Variants in PRTFDC1 observed in about 807,000 individuals in gnomAD.
PRTFDC1 encodes phosphoribosyl transferase domain containing 1.
Under a neutral mutation model 34.6 loss-of-function variants are expected in PRTFDC1, and 38 were observed. That is an observed-to-expected ratio of 1.10 (90% CI 0.85 to 1.44). PRTFDC1 has a LOEUF of 1.44. PRTFDC1 is among the 40% of genes most tolerant of loss of function. PRTFDC1 has a pLI of 0.00. For synonymous variants in PRTFDC1, 93 were observed against 98.1 expected (o/e 0.95, Z 0.31); for missense variants, 270 against 283.0 (o/e 0.95, Z 0.33).
intron 7 of PRTFDC1, among the ~76,000 whole-genome samples, chr10:24,852,747 T>C (rs1323433379): frequency 6.6e-6 from 1 of 152,232 alleles, no homozygotes; most frequent in African/African-American, 2.4e-5. Context: ...GTATTATAGA[T>C]GAGAGATTTA....
intron 3 of PRTFDC1, among the ~76,000 whole-genome samples, chr10:24,917,103 T>C (rs985096565): frequency 4.6e-5 from 7 of 152,212 alleles, no homozygotes; most frequent in Admixed American, 4.6e-4. Context: ...GAGATTGCCA[T>C]AGTTCCAGGA....
intron 3 of PRTFDC1, among the ~76,000 whole-genome samples, chr10:24,907,254 GAGGACTAAC>G (rs1179857701): frequency 2.6e-5 from 4 of 152,084 alleles, no homozygotes; most frequent in African/African-American, 9.7e-5. Context: ...CTCAGGAAAT[GAGGACTAAC>G]AGTGACTTGT....
chr10:24,949,855 C>T (rs1205625423), intron 1 of PRTFDC1, among the ~76,000 whole-genome samples: 1 of 151,922 alleles, frequency 6.6e-6, no homozygotes, highest in Non-Finnish European at 1.5e-5. Context: ...CTGCTTCTGC[C>T]TCCCAAGTAG....
At chr10:24,949,715 G>GTTTTTTTA (rs1275659148) in intron 1 of PRTFDC1, among the ~76,000 whole-genome samples, 1 of 144,060 alleles carries the variant, frequency 6.9e-6, no homozygotes, top group African/African-American at 2.6e-5. Flanking sequence ...CATTTTTTTT[G>GTTTTTTTA]TTTATTTATT....
At chr10:24,924,321 C>T (rs1319770996) in intron 3 of PRTFDC1, among the ~76,000 whole-genome samples, 10 of 152,078 alleles carry the variant, frequency 6.6e-5, no homozygotes, top group African/African-American at 1.2e-4. Context: ...AGATACTCCT[C>T]GAGAAGAGCA....
intron 3 of PRTFDC1, among the ~76,000 whole-genome samples, chr10:24,879,346 A>T (rs942025547): frequency 4.2e-5 from 6 of 143,444 alleles, no homozygotes; most frequent in Non-Finnish European, 9.2e-5. Context: ...GTATTTGCTG[A>T]TTTTTTTTTT....
At chr10:24,949,232 G>A (rs943611583) in intron 1 of PRTFDC1, among the ~76,000 whole-genome samples, 11 of 152,090 alleles carry the variant, frequency 7.2e-5, no homozygotes, top group African/African-American at 2.7e-4. Flanking sequence ...TGGGACTACA[G>A]GCATGCACCA....
chr10:24,869,163 G>A (rs890801111), intron 4 of PRTFDC1, among the ~76,000 whole-genome samples: 13 of 151,822 alleles, frequency 8.6e-5, no homozygotes, highest in African/African-American at 2.9e-4. Flanking sequence ...AACCTTTCAC[G>A]GAGAGGCTGA....
intron 3 of PRTFDC1, among the ~76,000 whole-genome samples, chr10:24,875,844 T>C (rs1273506981): frequency 7.8e-6 from 1 of 128,102 alleles, no homozygotes; most frequent in Non-Finnish European, 1.6e-5. Context: ...ATAATTCTCA[T>C]AGTTTTTTTT....
At chr10:24,943,189 A>G (rs905003780) in intron 1 of PRTFDC1, among the ~76,000 whole-genome samples, 1 of 124,818 alleles carries the variant, frequency 8.0e-6, no homozygotes, top group Non-Finnish European at 1.9e-5. Context: ...CTGCCTGGAA[A>G]AGATTTCTTA....
intron 3 of PRTFDC1, among the ~76,000 whole-genome samples, chr10:24,913,320 G>T (rs145390107): frequency 6.6e-6 from 1 of 152,150 alleles, no homozygotes; most frequent in Non-Finnish European, 1.5e-5. Context: ...CAGTCTTGAG[G>T]TTCTTACTGT....
intron 3 of PRTFDC1, chr10:24,908,591 G>A (rs189497514): frequency 4.0e-5 from 65 of 1,612,824 alleles, no homozygotes; most frequent in Middle Eastern, 1.7e-4. Flanking sequence ...GGTATTTGGA[G>A]ATTCTTGCAG....
At chr10:24,895,979 C>A (rs1848355892) in intron 3 of PRTFDC1, among the ~76,000 whole-genome samples, 1 of 152,068 alleles carries the variant, frequency 6.6e-6, no homozygotes, top group African/African-American at 2.4e-5. Flanking sequence ...TGCACTGACA[C>A]AGTGAAACAT....
At chr10:24,885,341 A>T (rs376586893) in intron 3 of PRTFDC1, among the ~76,000 whole-genome samples, 1 of 152,206 alleles carries the variant, frequency 6.6e-6, no homozygotes, top group Non-Finnish European at 1.5e-5. Context: ...CAGCAATCAC[A>T]CTCCTTAATA....
intron 3 of PRTFDC1, among the ~76,000 whole-genome samples, chr10:24,899,086 A>T (rs1848412789): frequency 6.6e-6 from 1 of 152,154 alleles, no homozygotes; most frequent in African/African-American, 2.4e-5. Flanking sequence ...AGTCTATGGC[A>T]CTTTGTTACA....
chr10:24,859,568 T>G (rs559323850), intron 4 of PRTFDC1, among the ~76,000 whole-genome samples: 2 of 152,292 alleles, frequency 1.3e-5, no homozygotes, highest in South Asian at 4.1e-4. Context: ...AGTTTTAAGT[T>G]TCCTGAAGCC....
chr10:24,931,369 G>T (rs891573715), intron 3 of PRTFDC1, among the ~76,000 whole-genome samples: 2 of 150,746 alleles, frequency 1.3e-5, no homozygotes, highest in Non-Finnish European at 3.0e-5. Flanking sequence ...ACAGAAGGAA[G>T]GAAATAACAT....
intron 3 of PRTFDC1, among the ~76,000 whole-genome samples, chr10:24,872,505 G>T (rs971166266): frequency 1.3e-5 from 2 of 151,914 alleles, no homozygotes; most frequent in Non-Finnish European, 2.9e-5. Context: ...TTCCCTGAGA[G>T]ACCGGAGGCC....
At chr10:24,886,174 T>G (rs181611714) in intron 3 of PRTFDC1, among the ~76,000 whole-genome samples, 1 of 152,228 alleles carries the variant, frequency 6.6e-6, no homozygotes, top group Non-Finnish European at 1.5e-5. Context: ...GGTTTTATTG[T>G]AACAAATGTT....
Sources: gnomAD v4.1 joint callset for allele counts (sites outside exome capture counted in the v4.1 genomes callset) on GRCh38, gnomAD v4.1.1 for gene constraint, MANE v1.5 for transcripts, NCBI Gene and HGNC (gene_info 2026-07-23, HGNC 2026-07-21) for gene names.